PDE1C: variants seen among roughly 807,000 people sequenced by gnomAD.
PDE1C encodes the protein phosphodiesterase 1C.
A neutral mutation model predicts 93.1 loss-of-function variants in PDE1C; 62 were observed. That is an observed-to-expected ratio of 0.67 (90% confidence interval 0.54 to 0.82). The LOEUF (loss-of-function observed/expected upper bound fraction) is 0.82, where lower values mean the gene tolerates loss of function less well. PDE1C is among the 40% of genes least tolerant of loss of function. The pLI, the probability that PDE1C is intolerant of heterozygous loss-of-function variation, is 0.00. For missense variants in PDE1C, 742 were observed against 884.6 expected (o/e 0.84, Z 2.04); for synonymous variants, 325 against 310.1 (o/e 1.05, Z -0.50).
At chr7:32,237,658 G>A (rs1355730043) in intron 1 of PDE1C, among the ~76,000 whole-genome samples, 1 of 147,926 alleles carries the variant, frequency 6.8e-6, no homozygotes, top group Non-Finnish European at 1.5e-5. Flanking sequence ...CACCTACCAA[G>A]CATTCTTCTA....
rs1417009747 is a variant in PDE1C, at chr7:32,086,980, C to T, written c.308+82805G>A. ...ATGTCTAAAACACCAAAAGCAATGGCAACAAAAGCCAAACTTGACAAATGG... is the reference window on the plus strand; with the variant it reads ...ATGTCTAAAACACCAAAAGCAATGGTAACAAAAGCCAAACTTGACAAATGG... On this transcript the variant is annotated intron_variant, in intron 3 of 18. Transcript: ENST00000396193. Among the ~76,000 whole-genome samples the T allele has an allele frequency of 2.0e-5, 3 of 151,830 alleles. No homozygotes were observed. In the East Asian group the frequency reaches 5.8e-4, roughly 29 times the overall value.
intron 16 of PDE1C, among the ~76,000 whole-genome samples, chr7:31,798,831 C>T (rs1022090026): frequency 4.6e-5 from 7 of 151,600 alleles, no homozygotes; most frequent in South Asian, 2.1e-4. Flanking sequence ...AGTGATAACA[C>T]GAAGCCCTGT....
the PDE1C span, among the ~76,000 whole-genome samples, chr7:31,721,751 C>T: frequency 2.6e-5 from 4 of 152,292 alleles, no homozygotes; most frequent in African/African-American, 4.8e-5. Context: ...AACCACCTGC[C>T]GAGATGGTTT....
chr7:32,313,795 C>T (rs10951329), intron 1 of PDE1C, among the ~76,000 whole-genome samples: 9 of 149,956 alleles, frequency 6.0e-5, no homozygotes, highest in African/African-American at 2.2e-4. Context: ...AGGAGATATA[C>T]CTAATGCTAA....
intron 2 of PDE1C, among the ~76,000 whole-genome samples, chr7:32,043,406 C>T (rs972316658): frequency 1.3e-5 from 2 of 152,164 alleles, no homozygotes; most frequent in African/African-American, 2.4e-5. Context: ...AAAGTCTGGA[C>T]ATAACTTTTG....
At chr7:31,643,230 G>A in the PDE1C span, 2 of 1,613,748 alleles carry the variant, frequency 1.2e-6, no homozygotes, top group Non-Finnish European at 8.5e-7. Context: ...CACGAGAAGA[G>A]GAAAGCAGTG....
the PDE1C span, among the ~76,000 whole-genome samples, chr7:31,713,850 G>A: frequency 6.6e-6 from 1 of 152,190 alleles, no homozygotes; most frequent in African/African-American, 2.4e-5. Flanking sequence ...GGGATGCAGA[G>A]CACCAAGTCC....
intron 2 of PDE1C, among the ~76,000 whole-genome samples, chr7:31,952,331 C>T (rs1321226786): frequency 2.6e-5 from 4 of 151,974 alleles, no homozygotes; most frequent in African/African-American, 9.7e-5. Flanking sequence ...CTCACTGCAA[C>T]CTCTGTCTCC....
the PDE1C span, among the ~76,000 whole-genome samples, chr7:31,737,937 A>G: frequency 8.5e-4 from 130 of 152,276 alleles, 1 homozygote; most frequent in East Asian, 0.023. Flanking sequence ...ATATAGGTTA[A>G]ATAACAGCAT....
the PDE1C span, chr7:31,653,134 T>C: frequency 2.5e-6 from 1 of 404,930 alleles, no homozygotes; most frequent in Non-Finnish European, 4.0e-6. Flanking sequence ...ACAAAAAGTA[T>C]CTGAGACAGA....
At chr7:31,635,367 T>C in the PDE1C span, among the ~76,000 whole-genome samples, 52 of 152,308 alleles carry the variant, frequency 3.4e-4, no homozygotes, top group Non-Finnish European at 6.5e-4. Flanking sequence ...CTCAAAACGA[T>C]TGACATGCAG....
At chr7:31,635,667 C>T in the PDE1C span, among the ~76,000 whole-genome samples, 1 of 152,048 alleles carries the variant, frequency 6.6e-6, no homozygotes, top group Non-Finnish European at 1.5e-5. Context: ...AGGCCGTTCT[C>T]ATGCTGCTAT....
At chr7:32,123,245 A>C (rs757391620) in intron 3 of PDE1C, among the ~76,000 whole-genome samples, 1 of 152,176 alleles carries the variant, frequency 6.6e-6, no homozygotes, top group Non-Finnish European at 1.5e-5. Flanking sequence ...AAAAAAGCCT[A>C]GTACCACATG....
chr7:31,654,814 G>C, the PDE1C span, among the ~76,000 whole-genome samples: 13 of 152,172 alleles, frequency 8.5e-5, no homozygotes, highest in Non-Finnish European at 1.8e-4. Context: ...TTCTTAGCAA[G>C]TAACCTCAGA....
chr7:32,027,920 A>C (rs1317862931), intron 2 of PDE1C, among the ~76,000 whole-genome samples: 1 of 152,048 alleles, frequency 6.6e-6, no homozygotes, highest in Non-Finnish European at 1.5e-5. Flanking sequence ...AAGCATAGGC[A>C]AGTCTTCTTG....
chr7:32,057,927 C>T (rs768044347), intron 1 of PDE1C, among the ~76,000 whole-genome samples: 2 of 152,150 alleles, frequency 1.3e-5, no homozygotes, highest in Non-Finnish European at 1.5e-5. Context: ...AATTATGAAG[C>T]GCCTGGCAGT....
chr7:31,767,788 C>T (rs1388737331), intron 17 of PDE1C, among the ~76,000 whole-genome samples: 6 of 152,224 alleles, frequency 3.9e-5, no homozygotes, highest in East Asian at 3.9e-4. Flanking sequence ...TCTTCCTCTT[C>T]CAGGTTGCAG....
chr7:31,642,026 GTCC>G, the PDE1C span: 1 of 506,588 alleles, frequency 2.0e-6, no homozygotes, highest in Non-Finnish European at 3.6e-6. Context: ...AGAAAAAAAT[GTCC>G]TTGGAATTCC....
At chr7:31,881,693 G>T (rs1797267573) in intron 2 of PDE1C, among the ~76,000 whole-genome samples, 1 of 152,172 alleles carries the variant, frequency 6.6e-6, no homozygotes, top group South Asian at 2.1e-4. Flanking sequence ...GGGGTTTGAA[G>T]CTCACTTCAT....
Sources: gnomAD v4.1 joint callset for allele counts (sites outside exome capture counted in the v4.1 genomes callset) on GRCh38, gnomAD v4.1.1 for gene constraint, MANE v1.5 for transcripts, NCBI Gene and HGNC (gene_info 2026-07-23, HGNC 2026-07-21) for gene names.